DIAPH3: variants seen among roughly 807,000 people sequenced by gnomAD.
The protein encoded by DIAPH3 is protein diaphanous homolog 3.
DIAPH3 carries 117 observed loss-of-function variants against 144.3 expected under a neutral mutation model. That is an observed-to-expected ratio of 0.81 (90% confidence interval 0.70 to 0.95). DIAPH3 has a LOEUF of 0.95. Ranked by LOEUF, DIAPH3 falls within the 40% of genes least tolerant of loss-of-function variation. DIAPH3 has a pLI of 0.00. For synonymous variants in DIAPH3, 519 were observed against 488.9 expected (o/e 1.06, Z -0.81); for missense variants, 1,421 against 1,412.7 (o/e 1.01, Z -0.09).
intron 27 of DIAPH3, among the ~76,000 whole-genome samples, chr13:59,726,917 A>T (rs1192726406): frequency 6.6e-6 from 1 of 152,246 alleles, no homozygotes; most frequent in Non-Finnish European, 1.5e-5. Flanking sequence ...ATTAGATGTT[A>T]GAAATCAAGA....
At chr13:59,747,585 T>C (rs2036768767) in intron 27 of DIAPH3, among the ~76,000 whole-genome samples, 1 of 152,118 alleles carries the variant, frequency 6.6e-6, no homozygotes, top group Non-Finnish European at 1.5e-5. Context: ...AGCCATCAGG[T>C]CCTGCCTTGG....
At position 59,992,460 on chromosome 13, in the gene DIAPH3, G is replaced by A; in HGVS notation, c.1125+13C>T. On this transcript the variant is annotated intron_variant, in intron 10 of 27. Coordinates refer to ENST00000400324, the MANE Select transcript of DIAPH3 (RefSeq NM_001042517.2). ...TAATTTAAATATTAATAAGGAGACT[G>A]CAGGGCACTTACTGGCAATATCTCT... 1 of 1,591,432 alleles carries A rather than the reference G, an allele frequency of 6.3e-7. No homozygotes were observed. The highest frequency in any genetic ancestry group is 8.6e-7 in the Non-Finnish European group (1 of 1,161,814).
intron 12 of DIAPH3, among the ~76,000 whole-genome samples, chr13:59,987,050 C>G (rs998538769): frequency 6.6e-6 from 1 of 151,954 alleles, no homozygotes; most frequent in African/African-American, 2.4e-5. Context: ...GCATTATTCA[C>G]GATAGCAAAG....
intron 2 of DIAPH3, among the ~76,000 whole-genome samples, chr13:60,113,418 T>C (rs533081863): frequency 1.3e-5 from 2 of 152,324 alleles, no homozygotes; most frequent in Admixed American, 6.5e-5. Context: ...AATAATGAGA[T>C]GTAAAGATAA....
chr13:59,826,257 G>A (rs2041412150), intron 24 of DIAPH3, among the ~76,000 whole-genome samples: 1 of 103,620 alleles, frequency 9.7e-6, no homozygotes, highest in African/African-American at 3.2e-5. Context: ...GTTTGCAGAT[G>A]ACATGATTGT....
At chr13:59,988,714 T>C (rs2051599774) in intron 12 of DIAPH3, among the ~76,000 whole-genome samples, 1 of 151,892 alleles carries the variant, frequency 6.6e-6, no homozygotes, top group African/African-American at 2.4e-5. Flanking sequence ...CTATTTTTGT[T>C]GGAGGAGTTT....
intron 25 of DIAPH3, among the ~76,000 whole-genome samples, chr13:59,781,101 C>T (rs2038712910): frequency 6.6e-6 from 1 of 152,126 alleles, no homozygotes; most frequent in Non-Finnish European, 1.5e-5. Flanking sequence ...AGCCACGGTA[C>T]AACCTGAAAT....
At chr13:60,019,611 A>T (rs1373304239) in intron 5 of DIAPH3, among the ~76,000 whole-genome samples, 3 of 17,960 alleles carry the variant, frequency 1.7e-4, no homozygotes, top group African/African-American at 1.1e-3. Context: ...ATAAAAATTA[A>T]AAAAAAAAAA....
intron 19 of DIAPH3, 118 bp downstream of exon 19, chr13:59,916,037 C>A: frequency 1.2e-6 from 1 of 842,660 alleles, no homozygotes; most frequent in South Asian, 1.4e-5. Context: ...ACTAATTATG[C>A]AGCAATGATT....
At chr13:60,145,586 T>C (rs748866711) in intron 1 of DIAPH3, among the ~76,000 whole-genome samples, 1 of 152,210 alleles carries the variant, frequency 6.6e-6, no homozygotes, top group Non-Finnish European at 1.5e-5. Context: ...GAGGCGGAGC[T>C]TGCAGTGAGC....
Position 59,916,209 on chromosome 13 carries a change from G to T in DIAPH3, c.2211C>A (p.Ile737=). ...LSSFRVPYEE[I]RMMILEVDET... is the part of the protein sequence containing the mutation. ...CATCTACTTCCAATATCATCATTCT[G>T]ATTTCCTCATATGGCACCCGAAAAG... Residue 737 remains isoleucine, a synonymous_variant, in exon 19 of 28, where the codon ATC becomes ATA. Coordinates refer to ENST00000400324, the MANE Select transcript of DIAPH3 (RefSeq NM_001042517.2). 6.2e-7 allele frequency: 1 copy of T among 1,613,214 alleles called. No individual in the cohort carries two copies. Among genetic ancestry groups the T allele is most frequent in the South Asian group, 1.1e-5 (1 of 91,040 alleles).
At chr13:59,667,786 C>T (rs548238396) in intron 27 of DIAPH3, among the ~76,000 whole-genome samples, 1 of 152,278 alleles carries the variant, frequency 6.6e-6, no homozygotes, top group South Asian at 2.1e-4. Context: ...ACAAACCTGA[C>T]ATGACATTTA....
chr13:59,852,790 G>A (rs1038729280), intron 22 of DIAPH3, among the ~76,000 whole-genome samples: 7 of 152,166 alleles, frequency 4.6e-5, no homozygotes, highest in African/African-American at 1.7e-4. Flanking sequence ...GCAACACACA[G>A]TTGGAATCTG....
intron 13 of DIAPH3, among the ~76,000 whole-genome samples, chr13:59,983,249 C>G (rs1378038176): frequency 7.0e-6 from 1 of 142,754 alleles, no homozygotes; most frequent in Non-Finnish European, 1.5e-5. Flanking sequence ...GGCAATTCTG[C>G]TTGCAACTCA....
intron 2 of DIAPH3, among the ~76,000 whole-genome samples, chr13:60,116,591 C>CA (rs139472286): frequency 0.063 from 9,272 of 146,054 alleles, 351 homozygotes; most frequent in African/African-American, 0.11. Flanking sequence ...CACACACATC[C>CA]AAAAAAAAAA....
At chr13:59,799,937 CCCT>C (rs2039816594) in intron 25 of DIAPH3, among the ~76,000 whole-genome samples, 1 of 152,060 alleles carries the variant, frequency 6.6e-6, no homozygotes, top group Admixed American at 6.6e-5. Flanking sequence ...CATATCATGT[CCCT>C]CCTTTCTTGT....
chr13:59,989,143 G>C (rs187241268), intron 12 of DIAPH3, among the ~76,000 whole-genome samples: 1 of 151,676 alleles, frequency 6.6e-6, no homozygotes, highest in African/African-American at 2.4e-5. Flanking sequence ...AATGTTACAG[G>C]TTATCTAAGA....
intron 27 of DIAPH3, among the ~76,000 whole-genome samples, chr13:59,689,390 A>G (rs2033390042): frequency 6.6e-6 from 1 of 152,014 alleles, no homozygotes; most frequent in Non-Finnish European, 1.5e-5. Context: ...GTATGATAAA[A>G]CCGATGAAGG....
Position 59,831,219 on chromosome 13 carries a change from C to T in DIAPH3, c.3027+1888G>A, listed in dbSNP as rs564968402. On this transcript the variant is annotated intron_variant, in intron 24 of 27. Transcript: ENST00000400324. ...AGAAGGATATTATTACTTCATATAT[C>T]CATTTTATACTTGATGCATAATTGT... Among the ~76,000 whole-genome samples, 3 of 151,902 alleles carry T rather than the reference C, an allele frequency of 2.0e-5. No homozygotes were observed. The East Asian group carries it at 5.8e-4, about 29-fold the overall frequency.
Sources: gnomAD v4.1 joint callset for allele counts (sites outside exome capture counted in the v4.1 genomes callset) on GRCh38, gnomAD v4.1.1 for gene constraint, MANE v1.5 for transcripts, NCBI Gene and HGNC (gene_info 2026-07-23, HGNC 2026-07-21) for gene names.